The following SETD2 variants were observed in gnomAD, a reference collection of about 807,000 sequenced individuals.
The protein encoded by SETD2 is SET domain containing 2, histone lysine methyltransferase.
Under a neutral mutation model 242.1 loss-of-function variants are expected in SETD2, and 31 were observed. The ratio of observed to expected loss-of-function variants is 0.13; its 90% confidence interval spans 0.10 to 0.17. The LOEUF is 0.17. SETD2 is among the 10% of genes least tolerant of loss of function. The pLI is 1.00. For synonymous variants in SETD2, 1,006 were observed against 1,066.5 expected (o/e 0.94, Z 1.11); for missense variants, 2,481 against 3,046.3 (o/e 0.81, Z 4.37).
At chr3:47,025,063 GCT>G (rs2038412005) in intron 18 of SETD2, among the ~76,000 whole-genome samples, 4 of 152,162 alleles carry the variant, frequency 2.6e-5, no homozygotes, top group South Asian at 4.1e-4. Flanking sequence ...ACTCCATACA[GCT>G]CTGTCTCCAA....
intron 8 of SETD2, among the ~76,000 whole-genome samples, chr3:47,098,719 C>T (rs1322980535): frequency 6.6e-6 from 1 of 152,006 alleles, no homozygotes; most frequent in Non-Finnish European, 1.5e-5. Context: ...TTGTTTGAAT[C>T]CAGGAGGCAG....
At position 47,072,515 on chromosome 3, in the gene SETD2, AAG is replaced by A. The variant is rs2040867955; in HGVS notation, c.6061-5399_6061-5398del. Among the ~76,000 whole-genome samples, 6 of 152,176 alleles carry A rather than the reference AAG, an allele frequency of 3.9e-5. No homozygotes were observed. The South Asian group carries it at 1.2e-3, about 31-fold the overall frequency. On this transcript the variant is annotated intron_variant, in intron 12 of 20. Coordinates refer to ENST00000409792, the MANE Select transcript of SETD2 (RefSeq NM_014159.7). ...TTCCTAAATGACAGCAATACTGAGA[AAG>A]AGAAAAAAAGACTGCAAGCAAGCCT...
chr3:47,022,193 T>TCACACACACACA lies in SETD2; in HGVS notation c.7351-2365_7351-2354dup, dbSNP rs55972218. On this transcript the variant is annotated intron_variant, in intron 18 of 20. Coordinates refer to ENST00000409792, the MANE Select transcript of SETD2 (RefSeq NM_014159.7). ...GCCTGGGAGACAGAGCAACAATCTG[T>TCACACACACACA]CACACACACACACACACACACACAC... is the stretch of plus-strand genomic sequence containing the variant. Among the ~76,000 whole-genome samples, 1,010 of 131,002 alleles carry TCACACACACACA rather than the reference T, an allele frequency of 7.7e-3. 6 individuals carry two copies. The highest frequency in any genetic ancestry group is 0.014 in the South Asian group (51 of 3,716). The allele number at this position is 131,002 out of a possible 152,430, so 85.9% of individuals were successfully genotyped here.
chr3:47,115,928 G>A (rs373050218), intron 4 of SETD2, among the ~76,000 whole-genome samples: 8 of 152,314 alleles, frequency 5.3e-5, no homozygotes, highest in South Asian at 2.1e-4. Flanking sequence ...TTACAGGCAT[G>A]AGCCACTACG....
At chr3:47,027,211 G>A (rs575344933) in intron 18 of SETD2, among the ~76,000 whole-genome samples, 6 of 151,924 alleles carry the variant, frequency 3.9e-5, no homozygotes, top group East Asian at 1.9e-4. Flanking sequence ...GGTGGCGGGC[G>A]CCTGTAGTCC....
In SETD2 at chr3:47,067,734, C is replaced by T. The variant is rs183845504; in HGVS notation, c.6061-616G>A. Among the ~76,000 whole-genome samples the T allele has an allele frequency of 2.0e-3, 307 of 152,218 alleles. 1 individual carries two copies. Among genetic ancestry groups the T allele is most frequent in the African/African-American group, 6.8e-3 (282 of 41,524 alleles). On this transcript the variant is annotated intron_variant, in intron 12 of 20. Transcript: ENST00000409792. ...CAAGTATTCATAATTCTAATGTGCA[C>T]TTGCCATCTCTACTTAGAGAAAGAA...
chr3:47,121,948 A>C lies in SETD2; in HGVS notation c.2688T>G (p.Thr896=). The C allele has an allele frequency of 6.2e-7, 1 of 1,614,006 alleles. No individual in the cohort carries two copies. Among genetic ancestry groups the C allele is most frequent in the Non-Finnish European group, 8.5e-7 (1 of 1,180,000 alleles). ...LPPGIKVDSL[T]LLKCGENTSP... is the part of the protein sequence containing the mutation. The stretch of plus-strand genomic sequence containing the variant: ...ATGTGTTCTCTCCGCATTTCAAGAG[A>C]GTTAGACTGTCCACCTTTATTCCTG... The change falls in exon 3 of 21, where the codon ACT becomes ACG. Residue 896 remains threonine (T), a synonymous_variant. Transcript: ENST00000409792.
chr3:47,154,238 G>A (rs1351377347), intron 1 of SETD2, among the ~76,000 whole-genome samples: 2 of 151,684 alleles, frequency 1.3e-5, no homozygotes, highest in Admixed American at 6.6e-5. Context: ...GTGAAACCCC[G>A]TCTCTACTAA....
chr3:47,050,876 G>A (rs985999473), intron 15 of SETD2, among the ~76,000 whole-genome samples: 6 of 151,346 alleles, frequency 4.0e-5, no homozygotes, highest in African/African-American at 7.3e-5. Flanking sequence ...GATTATAGGC[G>A]TGCGCCACCA....
chr3:47,152,818 C>T (rs2044023286), intron 1 of SETD2, among the ~76,000 whole-genome samples: 1 of 152,206 alleles, frequency 6.6e-6, no homozygotes, highest in Non-Finnish European at 1.5e-5. Context: ...GTAAGCAGAC[C>T]TCCCAGAAGC....
At chr3:47,107,196 T>C (rs777982757) in intron 5 of SETD2, among the ~76,000 whole-genome samples, 3 of 152,166 alleles carry the variant, frequency 2.0e-5, no homozygotes, top group Non-Finnish European at 2.9e-5. Context: ...TGACATAAAA[T>C]GGCCTGCCTG....
Position 47,084,091 on chromosome 3 carries a change from T to G in SETD2, c.5689A>C (p.Thr1897Pro), listed in dbSNP as rs376263588. The change falls in exon 12 of 21, where the codon ACC becomes CCC. Residue 1897 changes from threonine to proline, a missense_variant. This residue lies in a region of SETD2 where 203 missense variants were observed against 222.4 expected (regional missense o/e 0.91). Coordinates refer to ENST00000409792, the MANE Select transcript of SETD2 (RefSeq NM_014159.7). ...NSMDSAISDA[T>P]SELEGKDGKE... ...CCATCCTTGCCTTCTAGCTCACTGGTTGCATCAGAGATTGCACTGTCCATG... is the reference window on the plus strand; with the variant it reads ...CCATCCTTGCCTTCTAGCTCACTGGGTGCATCAGAGATTGCACTGTCCATG... 138 of 1,614,116 alleles carry G rather than the reference T, an allele frequency of 8.5e-5. 1 individual carries two copies. The highest frequency in any genetic ancestry group is 1.1e-4 in the Non-Finnish European group (131 of 1,180,050).
Position 47,042,541 on chromosome 3 carries a change from G to A in SETD2, c.7238+20C>T, listed in dbSNP as rs575654125. The A allele has an allele frequency of 2.7e-5, 44 of 1,612,886 alleles. 1 individual carries two copies. The South Asian group carries it at 2.7e-4, about 10-fold the overall frequency. ...ATTAAGTAAAAGCAGACATGGGAAC[G>A]CCCATACAGCTCCTCTTACCTTGTG... On this transcript the variant is annotated intron_variant, in intron 17 of 20. Coordinates refer to ENST00000409792, the MANE Select transcript of SETD2 (RefSeq NM_014159.7).
At chr3:47,024,009 A>C (rs557975414) in intron 18 of SETD2, among the ~76,000 whole-genome samples, 2 of 152,196 alleles carry the variant, frequency 1.3e-5, no homozygotes, top group Non-Finnish European at 2.9e-5. Context: ...TCCCTCTCTC[A>C]AGATGGGAAA....
chr3:47,096,867 T>C (rs1233272546), intron 9 of SETD2, among the ~76,000 whole-genome samples: 2 of 152,194 alleles, frequency 1.3e-5, no homozygotes, highest in Non-Finnish European at 2.9e-5. Context: ...GTGGTGGAAA[T>C]ACAGGTGTTT....
rs775142324 is a variant in SETD2, at chr3:47,122,536, A to T, written c.2100T>A (p.Asp700Glu). The change falls in exon 3 of 21, where the codon GAT becomes GAA. Residue 700 changes from aspartate (D) to glutamate (E), a missense_variant. Transcript: ENST00000409792. ...GGGATAATTCCGATCCAGTCACACT[A>T]TCATCAGAAGTCATTAAAACAGCAT... Reference protein sequence around the residue: ...KTDAVLMTSDDSVTGSELSPL... With the variant: ...KTDAVLMTSDESVTGSELSPL... 1.2e-6 allele frequency: 2 copies of T among 1,614,028 alleles called. No homozygotes were observed. Among genetic ancestry groups the T allele is most frequent in the East Asian group, 4.5e-5 (2 of 44,878 alleles).
intron 1 of SETD2, among the ~76,000 whole-genome samples, chr3:47,135,848 G>GTC (rs912770421): frequency 1.3e-5 from 2 of 152,100 alleles, no homozygotes; most frequent in East Asian, 3.9e-4. Context: ...TCTATCATCA[G>GTC]TCTCTCTCTC....
At position 47,163,900 on chromosome 3, in the gene SETD2, G is replaced by A. The variant is rs1244597073; in HGVS notation, c.25C>T (p.Pro9Ser). The A allele has an allele frequency of 1.5e-6, 2 of 1,314,940 alleles. No individual in the cohort carries two copies. Among genetic ancestry groups the A allele is most frequent in the Non-Finnish European group, 1.9e-6 (2 of 1,026,714 alleles). 81.5% of individuals were successfully genotyped at this position (1,314,940 alleles called of 1,614,324 possible). The change falls in exon 1 of 21, where the codon CCT becomes TCT. Residue 9 changes from proline (P) to serine (S), a missense_variant. Transcript: ENST00000409792. MKQLQPQP[P>S]PKMGDFYDPE... is the part of the protein sequence containing the mutation. ...TCGTAGAAATCCCCCATCTTCGGAG[G>A]CGGCTGCGGCTGCAGCTGCTTCATC...
chr3:47,106,177 T>G, intron 5 of SETD2, 57 bp from the exon 6 acceptor site: 2 of 1,502,674 alleles, frequency 1.3e-6, no homozygotes, highest in Non-Finnish European at 1.8e-6. Context: ...AGGGAAAACA[T>G]ATATGCTCAG....
Sources: allele counts gnomAD v4.1 joint callset (sites outside exome capture counted in the v4.1 genomes callset), GRCh38; gene constraint gnomAD v4.1.1; regional missense constraint gnomAD v4.1.1; transcripts MANE v1.5; gene names NCBI Gene and HGNC (gene_info 2026-07-23, HGNC 2026-07-21).